UTP20: variants seen among roughly 807,000 people sequenced by gnomAD.
UTP20 encodes small subunit processome component 20 homolog.
In UTP20, 164 loss-of-function variants were observed where a neutral mutation model predicts 329.5. The ratio of observed to expected loss-of-function variants is 0.50; its 90% confidence interval spans 0.44 to 0.57. The LOEUF (loss-of-function observed/expected upper bound fraction) is 0.57. UTP20 is among the 20% of genes least tolerant of loss of function. The probability of loss-of-function intolerance (pLI) is 0.00; values close to 1 mark genes in which losing one functional copy is unlikely to be tolerated. For missense variants in UTP20, 3,055 were observed against 3,284.2 expected (o/e 0.93, Z 1.71); for synonymous variants, 1,151 against 1,159.3 (o/e 0.99, Z 0.14).
chr12:101,375,510 T>C, intron 55 of UTP20, 114 bp from the exon 56 acceptor site: 1 of 1,054,074 alleles, frequency 9.5e-7, no homozygotes, highest in Non-Finnish European at 1.4e-6. Flanking sequence ...GCCCACAATG[T>C]CAGGAGTGCC....
At chr12:101,348,507 T>C (rs1310477758) in intron 38 of UTP20, among the ~76,000 whole-genome samples, 6 of 152,086 alleles carry the variant, frequency 3.9e-5, no homozygotes, top group African/African-American at 1.4e-4. Context: ...AAGTAGTCAA[T>C]TATCTTTTAA....
Position 101,300,012 on chromosome 12 carries a change from C to T in UTP20, c.1626C>T (p.Gly542=). 6.2e-7 allele frequency: 1 copy of T among 1,614,120 alleles called. No homozygotes were observed. The highest frequency in any genetic ancestry group is 1.1e-5 in the South Asian group (1 of 91,084). The change falls in exon 14 of 62, where the codon GGC becomes GGT. Residue 542 remains glycine (G), a synonymous_variant. Coordinates refer to ENST00000261637, the MANE Select transcript of UTP20 (RefSeq NM_014503.3). ...AGAAGGTGATACCACTCGTCACCGG[C>T]TTCATAGAGGCACTCTTCATGACTG... ...EKEKVIPLVT[G]FIEALFMTVD...
At chr12:101,371,470 G>A (rs1203733188) in intron 51 of UTP20, among the ~76,000 whole-genome samples, 1 of 151,902 alleles carries the variant, frequency 6.6e-6, no homozygotes, top group Non-Finnish European at 1.5e-5. Context: ...TGAGGGGTGG[G>A]GAGCCAGGTT....
At chr12:101,289,186 G>A in intron 6 of UTP20, 145 bp downstream of exon 6, 1 of 669,698 alleles carries the variant, frequency 1.5e-6, no homozygotes, top group Non-Finnish European at 2.5e-6. Flanking sequence ...AGACCAGCCT[G>A]ACCAACATGG....
intron 5 of UTP20, 29 bp downstream of exon 5, chr12:101,286,538 T>G: frequency 6.7e-7 from 1 of 1,484,260 alleles, no homozygotes; most frequent in Non-Finnish European, 9.0e-7. Context: ...TAGTATGTTT[T>G]TTAATTGCCT....
rs533886581 is a variant in UTP20 at position 101,377,081 on chromosome 12, G to A, written c.7396+1325G>A. Among the ~76,000 whole-genome samples, 8 of 151,560 alleles carry A rather than the reference G, an allele frequency of 5.3e-5. No homozygotes were observed. The South Asian group carries it at 1.5e-3, about 28-fold the overall frequency. On this transcript the variant is annotated intron_variant, in intron 56 of 61. Transcript: ENST00000261637. ...CAGGCATGAGCCACTGTGCCCAGCCGGGACCACATCTTATGTGGTCTGTTG... is the reference window on the plus strand; with the variant it reads ...CAGGCATGAGCCACTGTGCCCAGCCAGGACCACATCTTATGTGGTCTGTTG...
At chr12:101,372,734 G>A in intron 51 of UTP20, 150 bp from the exon 52 acceptor site, 2 of 616,586 alleles carry the variant, frequency 3.2e-6, no homozygotes, top group African/African-American at 3.7e-5. Context: ...GACTTCATAG[G>A]CAGATTTAGC....
chr12:101,308,229 C>G lies in UTP20; in HGVS notation c.2040C>G (p.Arg680=). Residue 680 remains arginine, a synonymous_variant, in exon 18 of 62, where the codon CGC becomes CGG. Transcript: ENST00000261637. ...GGCAGTCTGTCTTTGCTATATTACG[C>G]CAGGCAGAACTTGTTCCAGCAACTG... The part of the protein sequence containing the change: ...SERQSVFAIL[R]QAELVPATVN... The G allele has an allele frequency of 6.2e-7, 1 of 1,612,342 alleles. No individual in the cohort carries two copies. The highest frequency in any genetic ancestry group is 8.5e-7 in the Non-Finnish European group (1 of 1,179,194).
At chr12:101,346,987 G>T (rs920802774) in intron 38 of UTP20, among the ~76,000 whole-genome samples, 2 of 152,100 alleles carry the variant, frequency 1.3e-5, no homozygotes, top group Non-Finnish European at 2.9e-5. Context: ...CAGGTACCAG[G>T]CACTATTTCA....
At chr12:101,371,573 C>A (rs1340649188) in intron 51 of UTP20, among the ~76,000 whole-genome samples, 1 of 134,074 alleles carries the variant, frequency 7.5e-6, no homozygotes, top group Non-Finnish European at 1.5e-5. Context: ...ACTCTGTCAC[C>A]AGGCTGGAGT....
At chr12:101,327,334 G>T in intron 26 of UTP20, 87 bp downstream of exon 26, 1 of 1,325,008 alleles carries the variant, frequency 7.5e-7, no homozygotes. Flanking sequence ...GCTCCTGGGC[G>T]TCTTTCTAAC....
rs759453176 is a variant in UTP20, at chr12:101,311,743, T to G, written c.2256T>G (p.Asn752Lys). 3 of 1,612,384 alleles carry G rather than the reference T, an allele frequency of 1.9e-6. No homozygotes were observed. The South Asian group carries it at 3.3e-5, about 18-fold the overall frequency. The change falls in exon 20 of 62, where the codon AAT (asparagine) becomes AAG (lysine). Residue 752 changes from asparagine (N) to lysine (K), a missense_variant. By Grantham distance (94) the Asn-to-Lys change is moderately conservative. Transcript: ENST00000261637. ...GTTCTCATGCACACGAAATGGAAAA[T>G]AAGCAATTTTGGAAAGTCTACTATG... ...LISSHAHEME[N>K]KQFWKVYYEH...
At chr12:101,309,926 T>G in intron 19 of UTP20, 87 bp downstream of exon 19, 1 of 1,175,528 alleles carries the variant, frequency 8.5e-7, no homozygotes. Context: ...CTGGGTGTGA[T>G]TTAAATGAAT....
At chr12:101,308,104 G>C in intron 17 of UTP20, 81 bp from the exon 18 acceptor site, 1 of 1,242,562 alleles carries the variant, frequency 8.0e-7, no homozygotes, top group East Asian at 2.8e-5. Flanking sequence ...TCTATTTTTA[G>C]ACCTTTGGTC....
intron 30 of UTP20, 76 bp downstream of exon 30, chr12:101,338,353 A>T: frequency 6.7e-7 from 1 of 1,489,268 alleles, no homozygotes; most frequent in Non-Finnish European, 9.3e-7. Context: ...AAAAAAAATC[A>T]GTATAATTTG....
chr12:101,302,921 A>G (rs1593423771), intron 15 of UTP20, among the ~76,000 whole-genome samples: 1 of 152,232 alleles, frequency 6.6e-6, no homozygotes, highest in African/African-American at 2.4e-5. Flanking sequence ...TGAGGTGATC[A>G]GCATTTCAGA....
intron 51 of UTP20, 101 bp downstream of exon 51, chr12:101,371,269 C>G (rs991374988): frequency 2.4e-6 from 2 of 849,044 alleles, no homozygotes; most frequent in South Asian, 4.2e-5. Flanking sequence ...CACCTTGTGT[C>G]GTATTGTTGC....
rs892255610 is a variant in UTP20, at chr12:101,386,364, T to C, written c.*241T>C. 1 of 338,674 alleles carries C rather than the reference T, an allele frequency of 3.0e-6. No homozygotes were observed. The highest frequency in any genetic ancestry group is 5.3e-6 in the Non-Finnish European group (1 of 190,292). 21.0% of individuals were successfully genotyped at this position (338,674 alleles called of 1,614,324 possible). On this transcript the variant is annotated 3_prime_UTR_variant, in exon 62 of 62. Coordinates refer to ENST00000261637, the MANE Select transcript of UTP20 (RefSeq NM_014503.3). ...TGTGCCTCCTAGGCACACAACACTATGCCCGGCAAATTTTTTGTATTTTGT... is the reference window on the plus strand; with the variant it reads ...TGTGCCTCCTAGGCACACAACACTACGCCCGGCAAATTTTTTGTATTTTGT...
In UTP20 at chr12:101,353,051, C is replaced by A; in HGVS notation, c.5029C>A (p.Leu1677Ile). ...QINQKLGVSL[L>I]VIVLEAFHFD... is the part of the protein sequence containing the mutation. Reference sequence around the variant, plus strand: ...GTATACTTTTTTTTTTAACAGTTTGCTAGTAATAGTGTTAGAAGCATTCCA... The same window carrying A: ...GTATACTTTTTTTTTTAACAGTTTGATAGTAATAGTGTTAGAAGCATTCCA... Residue 1677 changes from leucine (L) to isoleucine (I), a missense_variant, in exon 40 of 62, where the codon CTA (leucine) becomes ATA (isoleucine). Leu to Ile is a conservative substitution (Grantham distance 5). Coordinates refer to ENST00000261637, the MANE Select transcript of UTP20 (RefSeq NM_014503.3). 1.3e-6 allele frequency: 2 copies of A among 1,542,138 alleles called. No homozygotes were observed. The highest frequency in any genetic ancestry group is 8.8e-7 in the Non-Finnish European group (1 of 1,138,346).
Sources: gnomAD v4.1 joint callset for allele counts (sites outside exome capture counted in the v4.1 genomes callset) on GRCh38, gnomAD v4.1.1 for gene constraint, MANE v1.5 for transcripts, NCBI Gene and HGNC (gene_info 2026-07-23, HGNC 2026-07-21) for gene names.